The following RALYL variants were observed in gnomAD, a reference collection of about 807,000 sequenced individuals.
The protein encoded by RALYL is RNA-binding Raly-like protein.
RALYL carries 29 observed loss-of-function variants against 35.1 expected under a neutral mutation model. That is an observed-to-expected ratio of 0.83 (90% confidence interval 0.61 to 1.13). The LOEUF (loss-of-function observed/expected upper bound fraction) is 1.13. Among genes scored for constraint, RALYL ranks in the 50% most tolerant of loss-of-function variants. The pLI, the probability that RALYL is intolerant of heterozygous loss-of-function variation, is 0.00. For synonymous variants in RALYL, 120 were observed against 127.6 expected, an observed-to-expected ratio of 0.94 and a Z score of 0.40; for missense variants, 359 against 360.4, an observed-to-expected ratio of 1.00 and a Z score of 0.03.
rs1329921728 is a variant in RALYL at position 84,377,464 on chromosome 8, T to TG, written c.-23-151835_-23-151834insG. Among the ~76,000 whole-genome samples, 739 of 148,772 alleles carry TG rather than the reference T, an allele frequency of 5.0e-3. 10 individuals carry two copies. The highest frequency in any genetic ancestry group is 0.017 in the African/African-American group (675 of 40,516). On this transcript the variant is annotated intron_variant, in intron 1 of 8. Transcript: ENST00000521268. The stretch of plus-strand genomic sequence containing the variant: ...CAAAGGTTAACTGTTTTTTTTTTTT[T>TG]TTTTTTTTTTTCTTAAACTGATCCC...
At chr8:84,734,809 A>G (rs1846925254) in intron 2 of RALYL, among the ~76,000 whole-genome samples, 1 of 152,116 alleles carries the variant, frequency 6.6e-6, no homozygotes, top group African/African-American at 2.4e-5. Flanking sequence ...GAAAAATATT[A>G]CAGTAAAGGA....
intron 2 of RALYL, among the ~76,000 whole-genome samples, chr8:84,743,523 C>A (rs1168494818): frequency 6.6e-6 from 1 of 151,976 alleles, no homozygotes; most frequent in Non-Finnish European, 1.5e-5. Context: ...AGGGTTCTCA[C>A]ATTTCAGTCA....
intron 1 of RALYL, among the ~76,000 whole-genome samples, chr8:84,514,723 G>T (rs1018244392): frequency 1.3e-5 from 2 of 152,188 alleles, no homozygotes; most frequent in Non-Finnish European, 2.9e-5. Flanking sequence ...AGCAGCATCA[G>T]TTTATTCTCA....
intron 4 of RALYL, among the ~76,000 whole-genome samples, chr8:84,847,774 C>A (rs140639007): frequency 7.9e-5 from 12 of 152,254 alleles, no homozygotes; most frequent in African/African-American, 2.9e-4. Flanking sequence ...ATTGCTCTAG[C>A]CATACAATGC....
intron 5 of RALYL, among the ~76,000 whole-genome samples, chr8:84,857,232 A>C (rs1837245198): frequency 6.6e-6 from 1 of 152,158 alleles, no homozygotes; most frequent in South Asian, 2.1e-4. Flanking sequence ...TGATCTTTGT[A>C]GAGCTACTGA....
chr8:84,205,852 C>T (rs1214887919), intron 1 of RALYL, among the ~76,000 whole-genome samples: 4 of 152,144 alleles, frequency 2.6e-5, no homozygotes, highest in Admixed American at 1.3e-4. Flanking sequence ...TTAACTTTCT[C>T]ATAGTTCTGG....
chr8:84,277,029 G>A (rs1282193150), intron 1 of RALYL, among the ~76,000 whole-genome samples: 1 of 152,150 alleles, frequency 6.6e-6, no homozygotes, highest in Non-Finnish European at 1.5e-5. Context: ...AAGGTTTGAT[G>A]CTCATCTCTG....
intron 2 of RALYL, among the ~76,000 whole-genome samples, chr8:84,651,292 T>G (rs1248756985): frequency 6.6e-6 from 1 of 151,924 alleles, no homozygotes; most frequent in East Asian, 1.9e-4. Context: ...AAGGATAGCA[T>G]GATATGAATG....
intron 2 of RALYL, among the ~76,000 whole-genome samples, chr8:84,767,928 A>G (rs1294193609): frequency 1.3e-5 from 2 of 152,318 alleles, no homozygotes; most frequent in Non-Finnish European, 2.9e-5. Context: ...TGCCAAAAGC[A>G]TTTATTGGGA....
At chr8:84,422,125 A>G (rs901927696) in intron 1 of RALYL, among the ~76,000 whole-genome samples, 1 of 147,148 alleles carries the variant, frequency 6.8e-6, no homozygotes, top group Non-Finnish European at 1.5e-5. Context: ...AAGGAATGGT[A>G]CCAGTTCCTC....
chr8:84,209,182 A>G lies in RALYL; in HGVS notation c.-24+24758A>G, dbSNP rs553841074. Reference sequence around the variant, plus strand: ...AAAACTATGCATGCGAGATATTACAAGAAGCCTATTTTTAGGAGGTATTGT... The same window carrying G: ...AAAACTATGCATGCGAGATATTACAGGAAGCCTATTTTTAGGAGGTATTGT... On this transcript the variant is annotated intron_variant, in intron 1 of 8. Transcript: ENST00000521268. 1.4e-4 allele frequency among the ~76,000 whole-genome samples: 22 copies of G among 151,864 alleles called. No homozygotes were observed. In the South Asian group the frequency reaches 2.7e-3, roughly 19 times the overall value.
chr8:84,671,090 C>T (rs1045903273), intron 2 of RALYL, among the ~76,000 whole-genome samples: 5 of 152,138 alleles, frequency 3.3e-5, no homozygotes, highest in South Asian at 2.1e-4. Flanking sequence ...CTGGCCAAAA[C>T]GAAGGGTCTA....
At chr8:84,533,892 T>C (rs988353830) in intron 2 of RALYL, among the ~76,000 whole-genome samples, 6 of 152,206 alleles carry the variant, frequency 3.9e-5, no homozygotes, top group African/African-American at 7.2e-5. Flanking sequence ...GAAGAGAACA[T>C]TCAAATGCTT....
intron 1 of RALYL, among the ~76,000 whole-genome samples, chr8:84,385,225 T>TTAG (rs1188810511): frequency 6.6e-6 from 1 of 151,846 alleles, no homozygotes; most frequent in East Asian, 1.9e-4. Context: ...TAAACTACTT[T>TTAG]TACATTCCAA....
chr8:84,579,496 G>C (rs533816952), intron 2 of RALYL, among the ~76,000 whole-genome samples: 19 of 152,326 alleles, frequency 1.2e-4, no homozygotes, highest in African/African-American at 4.6e-4. Context: ...CTGACTCTGT[G>C]GAGTGTGCAA....
intron 1 of RALYL, among the ~76,000 whole-genome samples, chr8:84,435,443 A>T (rs1411264213): frequency 1.3e-5 from 2 of 152,182 alleles, no homozygotes; most frequent in Non-Finnish European, 2.9e-5. Context: ...TCCAAAAACA[A>T]CACTAAATAA....
intron 1 of RALYL, among the ~76,000 whole-genome samples, chr8:84,255,744 T>A (rs1350109094): frequency 6.6e-6 from 1 of 152,120 alleles, no homozygotes. Context: ...TAGCTGCACA[T>A]CTGAAATGAC....
At chr8:84,792,222 C>T (rs574956416) in intron 3 of RALYL, among the ~76,000 whole-genome samples, 4 of 152,296 alleles carry the variant, frequency 2.6e-5, no homozygotes, top group African/African-American at 9.6e-5. Context: ...CACACACAGA[C>T]TTGAAAGATG....
chr8:84,348,499 G>A (rs138840071), intron 1 of RALYL, among the ~76,000 whole-genome samples: 1 of 152,100 alleles, frequency 6.6e-6, no homozygotes, highest in East Asian at 1.9e-4. Flanking sequence ...TTACAAAGTG[G>A]GTTATTTTAC....
Sources: allele counts gnomAD v4.1 joint callset (sites outside exome capture counted in the v4.1 genomes callset), GRCh38; gene constraint gnomAD v4.1.1; transcripts MANE v1.5; gene names NCBI Gene and HGNC (gene_info 2026-07-23, HGNC 2026-07-21).